The following GALNT13 variants were observed in gnomAD, a reference collection of about 807,000 sequenced individuals.
The protein encoded by GALNT13 is polypeptide N-acetylgalactosaminyltransferase 13.
A neutral mutation model predicts 64.2 loss-of-function variants in GALNT13; 28 were observed. The observed-to-expected ratio is 0.44, with a 90% CI of 0.32 to 0.60. The LOEUF is 0.60. Ranked by LOEUF, GALNT13 falls within the 20% of genes least tolerant of loss-of-function variation. The pLI, the probability that GALNT13 is intolerant of heterozygous loss-of-function variation, is 0.05. For synonymous variants in GALNT13, 214 were observed against 224.6 expected (o/e 0.95, Z 0.42); for missense variants, 577 against 669.8 (o/e 0.86, Z 1.53).
At chr2:153,749,937 C>T in the GALNT13 span, among the ~76,000 whole-genome samples, 37,271 of 151,570 alleles carry the variant, frequency 0.25, 4,919 homozygotes, top group Non-Finnish European at 0.3. Context: ...CAGTTTTTCC[C>T]CATTTAGTAT....
chr2:153,420,352 G>T, the GALNT13 span, among the ~76,000 whole-genome samples: 1 of 152,084 alleles, frequency 6.6e-6, no homozygotes, highest in Non-Finnish European at 1.5e-5. Context: ...TTTTAAACAT[G>T]TATGACACTA....
At chr2:153,822,933 C>T in the GALNT13 span, among the ~76,000 whole-genome samples, 1 of 152,082 alleles carries the variant, frequency 6.6e-6, no homozygotes, top group Admixed American at 6.6e-5. Flanking sequence ...TTTCTGATTA[C>T]AAAATATATG....
chr2:154,377,871 G>C (rs2105325437), intron 9 of GALNT13, among the ~76,000 whole-genome samples: 2 of 152,076 alleles, frequency 1.3e-5, no homozygotes, highest in East Asian at 3.9e-4. Flanking sequence ...ATTTTAGATA[G>C]GGTAGTCAGA....
At chr2:153,991,060 A>G (rs1473085855) in intron 3 of GALNT13, among the ~76,000 whole-genome samples, 16 of 152,204 alleles carry the variant, frequency 1.1e-4, no homozygotes. Context: ...AGTAGAGCAA[A>G]GAGAAGCTGG....
At chr2:153,100,705 G>C in the GALNT13 span, among the ~76,000 whole-genome samples, 2 of 152,136 alleles carry the variant, frequency 1.3e-5, no homozygotes, top group South Asian at 4.1e-4. Context: ...CATACACATA[G>C]ACTGATCATT....
intron 3 of GALNT13, among the ~76,000 whole-genome samples, chr2:154,020,976 G>T (rs1574346932): frequency 6.6e-6 from 1 of 152,160 alleles, no homozygotes; most frequent in African/African-American, 2.4e-5. Flanking sequence ...CCCATTGCTT[G>T]TTTTTGTGAG....
chr2:153,578,834 T>G, the GALNT13 span, among the ~76,000 whole-genome samples: 3 of 152,088 alleles, frequency 2.0e-5, no homozygotes, highest in Admixed American at 1.3e-4. Flanking sequence ...CAAAACACAT[T>G]GGCGTCACTC....
rs1699042196 is a variant in GALNT13, at chr2:154,396,121, A to G, written c.1287A>G (p.Ser429=). ...PDSQIPRRYY[S]LGEIRNVETN... is the part of the protein sequence containing the mutation. Reference sequence around the variant, plus strand: ...CCCAGATCCCAAGACGTTATTACTCACTTGGTGAGGTATGAATTATTTATT... The same window carrying G: ...CCCAGATCCCAAGACGTTATTACTCGCTTGGTGAGGTATGAATTATTTATT... The change falls in exon 10 of 13, where the codon TCA becomes TCG. Residue 429 remains serine (S), a synonymous_variant. Coordinates refer to ENST00000392825, the MANE Select transcript of GALNT13 (RefSeq NM_052917.4). 1 of 1,599,410 alleles carries G rather than the reference A, an allele frequency of 6.3e-7. No individual in the cohort carries two copies. The highest frequency in any genetic ancestry group is 8.5e-7 in the Non-Finnish European group (1 of 1,174,058).
At chr2:153,114,868 C>A in the GALNT13 span, among the ~76,000 whole-genome samples, 1 of 151,522 alleles carries the variant, frequency 6.6e-6, no homozygotes, top group East Asian at 1.9e-4. Context: ...AACAGTATAG[C>A]ATAGTAGTTA....
chr2:153,598,367 C>T, the GALNT13 span, among the ~76,000 whole-genome samples: 3 of 145,104 alleles, frequency 2.1e-5, no homozygotes, highest in Non-Finnish European at 4.7e-5. Flanking sequence ...CTTCAAAAAG[C>T]TTTTACCCAG....
chr2:153,981,246 G>T (rs59043749), intron 3 of GALNT13, among the ~76,000 whole-genome samples: 15,660 of 151,702 alleles, frequency 0.1, 1,947 homozygotes, highest in East Asian at 0.63. Flanking sequence ...AAGTTCTAGG[G>T]TATATATATA....
the GALNT13 span, among the ~76,000 whole-genome samples, chr2:153,293,761 TTGTGTGTGTGTG>T: frequency 1.5e-4 from 16 of 104,810 alleles, no homozygotes; most frequent in East Asian, 3.1e-3. Context: ...TTTTTTCTGT[TTGTGTGTGTGTG>T]TGTGTGTGTG....
chr2:154,030,550 C>G (rs2105304906), intron 3 of GALNT13, among the ~76,000 whole-genome samples: 1 of 152,094 alleles, frequency 6.6e-6, no homozygotes, highest in Middle Eastern at 3.4e-3. Flanking sequence ...GAATGTAATA[C>G]CAGAGTTAAA....
the GALNT13 span, among the ~76,000 whole-genome samples, chr2:153,288,446 A>G: frequency 6.6e-6 from 1 of 152,214 alleles, no homozygotes; most frequent in Non-Finnish European, 1.5e-5. Flanking sequence ...TAAGTTTTAA[A>G]TTGGACACCA....
the GALNT13 span, among the ~76,000 whole-genome samples, chr2:153,321,598 T>G: frequency 6.6e-6 from 1 of 152,222 alleles, no homozygotes; most frequent in Admixed American, 6.5e-5. Flanking sequence ...TCTAGAGATT[T>G]TATATGTAAA....
chr2:153,547,465 G>T, the GALNT13 span, among the ~76,000 whole-genome samples: 1 of 152,116 alleles, frequency 6.6e-6, no homozygotes, highest in Non-Finnish European at 1.5e-5. Context: ...CTGAGAAATT[G>T]GAAGAGAAAT....
At chr2:153,352,054 G>A in the GALNT13 span, among the ~76,000 whole-genome samples, 26 of 152,176 alleles carry the variant, frequency 1.7e-4, 1 homozygote, top group Non-Finnish European at 2.9e-5. Flanking sequence ...TAAGGCAGCT[G>A]TAACACTTTG....
intron 9 of GALNT13, among the ~76,000 whole-genome samples, chr2:154,367,761 TAA>T (rs1207562624): frequency 2.0e-5 from 3 of 152,158 alleles, no homozygotes; most frequent in African/African-American, 4.8e-5. Flanking sequence ...TCTCTATTGA[TAA>T]AGAGTAGGAA....
chr2:154,287,402 A>G (rs759694602), intron 8 of GALNT13: 11 of 474,396 alleles, frequency 2.3e-5, no homozygotes, highest in Non-Finnish European at 4.0e-5. Context: ...GGGGCAGTCC[A>G]TGCTCCTCCA....
Sources: allele counts gnomAD v4.1 joint callset (sites outside exome capture counted in the v4.1 genomes callset), GRCh38; gene constraint gnomAD v4.1.1; transcripts MANE v1.5; gene names NCBI Gene and HGNC (gene_info 2026-07-23, HGNC 2026-07-21).